VIT: variants seen among roughly 807,000 people sequenced by gnomAD.
The protein encoded by VIT is vitrin.
A neutral mutation model predicts 78.0 loss-of-function variants in VIT; 99 were observed. That is an observed-to-expected ratio of 1.27 (90% CI 1.08 to 1.50). The LOEUF is 1.50. Among genes scored for constraint, VIT ranks in the 40% most tolerant of loss-of-function variants. The probability of loss-of-function intolerance (pLI) is 0.00; values close to 1 mark genes in which losing one functional copy is unlikely to be tolerated. For synonymous variants in VIT, 374 were observed against 334.3 expected (o/e 1.12, Z -1.29); for missense variants, 1,126 against 875.3 (o/e 1.29, Z -3.61).
intron 12 of VIT, among the ~76,000 whole-genome samples, chr2:36,788,466 A>G (rs1246308778): frequency 6.6e-6 from 1 of 152,240 alleles, no homozygotes; most frequent in Non-Finnish European, 1.5e-5. Context: ...CTGTCAGGAA[A>G]AATTAATAGA....
chr2:36,751,466 C>T (rs114793988), intron 4 of VIT, among the ~76,000 whole-genome samples: 1,905 of 152,238 alleles, frequency 0.013, 48 homozygotes, highest in African/African-American at 0.043. Flanking sequence ...ACTTCCAGCC[C>T]GGAGCCCAGG....
intron 1 of VIT, among the ~76,000 whole-genome samples, chr2:36,710,201 A>G (rs1665715715): frequency 6.6e-6 from 1 of 152,238 alleles, no homozygotes; most frequent in South Asian, 2.1e-4. Flanking sequence ...TTCAATTTCA[A>G]GAGTTTTTTC....
chr2:36,761,427 G>C (rs1207298693), intron 6 of VIT, among the ~76,000 whole-genome samples: 2 of 152,022 alleles, frequency 1.3e-5, no homozygotes, highest in African/African-American at 4.8e-5. Context: ...AAGTTCAGTG[G>C]CATCTCTCCT....
chr2:36,733,081 T>A (rs1172235000), intron 3 of VIT, among the ~76,000 whole-genome samples: 1 of 152,212 alleles, frequency 6.6e-6, no homozygotes, highest in Non-Finnish European at 1.5e-5. Flanking sequence ...GAATCTGGAC[T>A]TCTTCGAGAG....
intron 15 of VIT, among the ~76,000 whole-genome samples, chr2:36,812,794 T>G (rs915247127): frequency 3.3e-5 from 5 of 152,060 alleles, no homozygotes; most frequent in Non-Finnish European, 7.4e-5. Flanking sequence ...TTTGGTTTCT[T>G]TGGCATCTTC....
At chr2:36,711,365 A>T (rs539299813) in intron 1 of VIT, among the ~76,000 whole-genome samples, 2 of 152,308 alleles carry the variant, frequency 1.3e-5, no homozygotes, top group South Asian at 2.1e-4. Context: ...TGATACAGAG[A>T]TTTAAGAAAA....
At chr2:36,782,227 G>T (rs1470948425) in intron 10 of VIT, among the ~76,000 whole-genome samples, 1 of 152,228 alleles carries the variant, frequency 6.6e-6, no homozygotes, top group Non-Finnish European at 1.5e-5. Context: ...AGGGAAGATT[G>T]TACTGGTAGG....
intron 4 of VIT, among the ~76,000 whole-genome samples, chr2:36,751,597 C>T (rs1052085556): frequency 3.3e-5 from 5 of 152,010 alleles, no homozygotes; most frequent in African/African-American, 7.2e-5. Context: ...TAGAAGGAGG[C>T]GCCCTGTGGA....
At chr2:36,733,621 A>G (rs945149225) in intron 3 of VIT, among the ~76,000 whole-genome samples, 2 of 152,258 alleles carry the variant, frequency 1.3e-5, no homozygotes, top group Admixed American at 1.3e-4. Context: ...ACATGCATAT[A>G]CAGATAGTAT....
rs72783179 is a variant in VIT at position 36,741,075 on chromosome 2, C to A, written c.119-2025C>A. Among the ~76,000 whole-genome samples the A allele has an allele frequency of 5.8e-3, 880 of 152,296 alleles. 18 individuals are homozygous for A. Among genetic ancestry groups the A allele is most frequent in the Non-Finnish European group, 8.6e-3 (588 of 68,034 alleles). ...AATTAAGAACAAAGAAGAAATCTTT[C>A]ATTTTCTTTACCTCTAAGGGAGGAG... is the stretch of plus-strand genomic sequence containing the variant. On this transcript the variant is annotated intron_variant, in intron 3 of 15. Coordinates refer to ENST00000379242, the MANE Select transcript of VIT (RefSeq NM_053276.4).
intron 11 of VIT, among the ~76,000 whole-genome samples, chr2:36,784,711 C>T (rs1664977437): frequency 6.6e-6 from 1 of 152,240 alleles, no homozygotes; most frequent in Non-Finnish European, 1.5e-5. Flanking sequence ...ACTTTCTCTT[C>T]CTTGACTTTC....
Position 36,696,751 on chromosome 2 carries a change from T to G in VIT, c.-241T>G, listed in dbSNP as rs1157208576. ...GTGAGCATGTGTGTGTGTGTATGTGTGTGGGGGGGGGTGTAAAATGTGTTT... is the reference window on the plus strand; with the variant it reads ...GTGAGCATGTGTGTGTGTGTATGTGGGTGGGGGGGGGTGTAAAATGTGTTT... On this transcript the variant is annotated 5_prime_UTR_variant, in exon 1 of 16. Coordinates refer to ENST00000379242, the MANE Select transcript of VIT (RefSeq NM_053276.4). The G allele has an allele frequency of 6.6e-6, 1 of 151,356 alleles. No individual in the cohort carries two copies. Among genetic ancestry groups the G allele is most frequent in the Non-Finnish European group, 1.5e-5 (1 of 67,926 alleles). The allele number at this position is 151,356 out of a possible 1,614,324, so 9.4% of individuals were successfully genotyped here.
chr2:36,713,749 G>A lies in VIT; in HGVS notation c.-18-2604G>A, dbSNP rs532840335. ...GGTGGAGAGCACGTGGGGTGTAAGA[G>A]AAAGAGAAAGAGAAGTCAAGGATAA... On this transcript the variant is annotated intron_variant, in intron 1 of 15. Coordinates refer to ENST00000379242, the MANE Select transcript of VIT (RefSeq NM_053276.4). Among the ~76,000 whole-genome samples the A allele has an allele frequency of 2.8e-3, 424 of 152,326 alleles. 2 individuals are homozygous for A. The highest frequency in any genetic ancestry group is 0.016 in the South Asian group (75 of 4,826).
chr2:36,763,047 C>T (rs1406629616), intron 6 of VIT, among the ~76,000 whole-genome samples: 4 of 152,144 alleles, frequency 2.6e-5, no homozygotes, highest in Admixed American at 2.6e-4. Context: ...TTCCTAGTAT[C>T]ACAGCAAGAA....
chr2:36,715,739 A>T (rs1666092051), intron 1 of VIT, among the ~76,000 whole-genome samples: 1 of 152,316 alleles, frequency 6.6e-6, no homozygotes, highest in East Asian at 1.9e-4. Context: ...ACTATTAAAT[A>T]ATATGCAGCA....
chr2:36,744,771 A>G (rs1281374558), intron 4 of VIT, among the ~76,000 whole-genome samples: 1 of 151,928 alleles, frequency 6.6e-6, no homozygotes, highest in South Asian at 2.1e-4. Context: ...TAGGTTTTCT[A>G]TTTACTCCAC....
At chr2:36,752,705 T>A (rs1187880221) in intron 4 of VIT, among the ~76,000 whole-genome samples, 1 of 152,196 alleles carries the variant, frequency 6.6e-6, no homozygotes, top group Non-Finnish European at 1.5e-5. Flanking sequence ...CTCCTGTGCA[T>A]CCTGCTTCTT....
rs750984355 is a variant in VIT at position 36,783,345 on chromosome 2, G to C, written c.853G>C (p.Val285Leu). Reference sequence around the variant, plus strand: ...AGTTTTACTGCTCTTTCCAGGACTTGTTCCAAAAGAAGAATTGAGCACACA... The same window carrying C: ...AGTTTTACTGCTCTTTCCAGGACTTCTTCCAAAAGAAGAATTGAGCACACA... ...PGSVLLDEGL[V>L]PKEELSTQSL... is the part of the protein sequence containing the mutation. The change falls in exon 11 of 16, where the codon GTT becomes CTT. Residue 285 changes from valine (V) to leucine (L), a missense_variant. Val to Leu is a conservative substitution (Grantham distance 32, BLOSUM62 1). Coordinates refer to ENST00000379242, the MANE Select transcript of VIT (RefSeq NM_053276.4). The C allele has an allele frequency of 1.1e-5, 18 of 1,613,944 alleles. No homozygotes were observed. The highest frequency in any genetic ancestry group is 1.5e-5 in the Non-Finnish European group (18 of 1,179,978).
At chr2:36,719,704 G>A (rs1300662102) in intron 2 of VIT, among the ~76,000 whole-genome samples, 18 of 152,130 alleles carry the variant, frequency 1.2e-4, no homozygotes, top group Admixed American at 2.6e-4. Flanking sequence ...CTTGCGTGGC[G>A]GAAGTAGGCA....
Sources: gnomAD v4.1 joint callset for allele counts (sites outside exome capture counted in the v4.1 genomes callset) on GRCh38, gnomAD v4.1.1 for gene constraint, MANE v1.5 for transcripts, NCBI Gene and HGNC (gene_info 2026-07-23, HGNC 2026-07-21) for gene names.